Variants in SULT1E1 observed in about 807,000 individuals in gnomAD.
SULT1E1 encodes sulfotransferase 1E1.
Under a neutral mutation model 33.6 loss-of-function variants are expected in SULT1E1, and 36 were observed. The observed-to-expected ratio is 1.07, with a 90% CI of 0.82 to 1.41. The LOEUF is 1.41. Among genes scored for constraint, SULT1E1 ranks in the 40% most tolerant of loss-of-function variants. The pLI is 0.00. For synonymous variants in SULT1E1, 121 were observed against 111.7 expected, an observed-to-expected ratio of 1.08 and a Z score of -0.53; for missense variants, 371 against 345.7, an observed-to-expected ratio of 1.07 and a Z score of -0.58.
chr4:69,851,005 T>C (rs1292814076), intron 4 of SULT1E1, among the ~76,000 whole-genome samples: 1 of 152,110 alleles, frequency 6.6e-6, no homozygotes, highest in Non-Finnish European at 1.5e-5. Context: ...TTCCCAATGA[T>C]TCACTTGTGA....
At chr4:69,840,487 CAA>C (rs1578100315), downstream of SULT1E1, among the ~76,000 whole-genome samples, 1 of 152,154 alleles carries the variant, frequency 6.6e-6, no homozygotes, top group East Asian at 1.9e-4. Flanking sequence ...AAATAAAAAA[CAA>C]TAAAAAATTT....
chr4:69,826,910 A>AT, the SULT1E1 span, among the ~76,000 whole-genome samples: 1 of 152,056 alleles, frequency 6.6e-6, no homozygotes, highest in Non-Finnish European at 1.5e-5. Flanking sequence ...TAGCCTCCAT[A>AT]TAGCTCCCCT....
At chr4:69,848,811 G>C (rs1294553194) in intron 5 of SULT1E1, among the ~76,000 whole-genome samples, 2 of 151,706 alleles carry the variant, frequency 1.3e-5, no homozygotes, top group Non-Finnish European at 3.0e-5. Context: ...TAGAATACTA[G>C]ACTATCCTGC....
At position 69,847,400 on chromosome 4, in the gene SULT1E1, ATG is replaced by A. The variant is rs113502821; in HGVS notation, c.591+296_591+297del. Among the ~76,000 whole-genome samples the A allele has an allele frequency of 1.1e-3, 163 of 150,084 alleles. 1 individual carries two copies. The highest frequency in any genetic ancestry group is 3.5e-3 in the African/African-American group (144 of 41,158). On this transcript the variant is annotated intron_variant, in intron 6 of 7. Transcript: ENST00000226444. ...GCCCATGTTGATTCCTTGTGTGTGA[ATG>A]TGTGTGTGTGTGTGCCTATGTGTGT... is the stretch of plus-strand genomic sequence containing the variant.
At chr4:69,825,503 C>G in the SULT1E1 span, among the ~76,000 whole-genome samples, 10 of 152,248 alleles carry the variant, frequency 6.6e-5, no homozygotes, top group South Asian at 1.0e-3. Flanking sequence ...GGCTAAATAC[C>G]AGGCACCTGT....
In SULT1E1 at chr4:69,855,791, T is replaced by C. The variant is rs4149531; in HGVS notation, c.146-365A>G. Among the ~76,000 whole-genome samples, 910 of 152,320 alleles carry C rather than the reference T, an allele frequency of 6.0e-3. 21 individuals are homozygous for C. The East Asian group carries it at 0.064, about 11-fold the overall frequency. On this transcript the variant is annotated intron_variant, in intron 2 of 7. Coordinates refer to ENST00000226444, the MANE Select transcript of SULT1E1 (RefSeq NM_005420.3). ...CAAAAATTTTACTGATGGTATATTA[T>C]GTCTCATGTTGGGTCCTAGGTCAGA... is the stretch of plus-strand genomic sequence containing the variant.
intron 3 of SULT1E1, 149 bp downstream of exon 3, chr4:69,855,152 A>T: frequency 3.8e-6 from 3 of 793,110 alleles, no homozygotes; most frequent in Non-Finnish European, 5.6e-6. Flanking sequence ...GCCTGTCAAG[A>T]TTTAAATTTA....
chr4:69,838,447 C>T (rs191040608), downstream of SULT1E1: 1 of 152,252 alleles, frequency 6.6e-6, no homozygotes, highest in East Asian at 1.9e-4. Context: ...TCAGAAGTTA[C>T]CTGAGATGTG....
the SULT1E1 span, among the ~76,000 whole-genome samples, chr4:69,832,539 C>G: frequency 6.6e-6 from 1 of 152,192 alleles, no homozygotes; most frequent in Non-Finnish European, 1.5e-5. Flanking sequence ...AACAAATGTA[C>G]AGAAACAAGA....
At chr4:69,855,521 A>G in intron 2 of SULT1E1, 95 bp from the exon 3 acceptor site, 2 of 1,262,304 alleles carry the variant, frequency 1.6e-6, no homozygotes, top group Non-Finnish European at 1.1e-6. Context: ...GGAAGGTACC[A>G]ATGCAATACT....
At chr4:69,835,094 C>A in the SULT1E1 span, among the ~76,000 whole-genome samples, 1 of 152,158 alleles carries the variant, frequency 6.6e-6, no homozygotes, top group East Asian at 1.9e-4. Context: ...AATTATATTA[C>A]CCTAAACTCT....
chr4:69,842,490 A>G (rs989449310), intron 7 of SULT1E1, among the ~76,000 whole-genome samples: 2 of 152,222 alleles, frequency 1.3e-5, no homozygotes, highest in African/African-American at 2.4e-5. Context: ...AACTGCCTAC[A>G]TGATTTTGCC....
intron 4 of SULT1E1, among the ~76,000 whole-genome samples, chr4:69,850,166 A>G (rs1721072898): frequency 6.6e-6 from 1 of 151,974 alleles, no homozygotes; most frequent in African/African-American, 2.4e-5. Flanking sequence ...TTTTCAGAAA[A>G]CTGTGGTTTT....
At chr4:69,844,554 T>A (rs527535611) in intron 6 of SULT1E1, among the ~76,000 whole-genome samples, 4 of 152,240 alleles carry the variant, frequency 2.6e-5, no homozygotes, top group African/African-American at 9.6e-5. Context: ...TTAAGATTAT[T>A]CAAAAAACTA....
intron 7 of SULT1E1, among the ~76,000 whole-genome samples, chr4:69,842,865 C>T (rs375242837): frequency 2.0e-5 from 3 of 149,074 alleles, no homozygotes; most frequent in East Asian, 2.0e-4. Context: ...GAGACAGAGT[C>T]TCGCTCTGTC....
intron 7 of SULT1E1, among the ~76,000 whole-genome samples, chr4:69,843,693 A>G (rs1720923078): frequency 1.3e-5 from 2 of 152,206 alleles, no homozygotes; most frequent in Admixed American, 6.5e-5. Context: ...AAACAGAGCT[A>G]TATTTGAATT....
chr4:69,840,747 T>G (rs1379109952), downstream of SULT1E1, among the ~76,000 whole-genome samples: 1 of 152,106 alleles, frequency 6.6e-6, no homozygotes, highest in Non-Finnish European at 1.5e-5. Flanking sequence ...CTCATTTTGT[T>G]GAAAGTAAAA....
downstream of SULT1E1, among the ~76,000 whole-genome samples, chr4:69,837,337 C>T (rs190672841): frequency 6.6e-6 from 1 of 152,024 alleles, no homozygotes; most frequent in Admixed American, 6.5e-5. Flanking sequence ...ATCCCTGACA[C>T]ATAGCAATGA....
chr4:69,843,842 G>A (rs1270639261), intron 7 of SULT1E1, among the ~76,000 whole-genome samples: 1 of 152,188 alleles, frequency 6.6e-6, no homozygotes. Context: ...AGAACTTAAA[G>A]GAACTATATG....
Sources: gnomAD v4.1 joint callset for allele counts (sites outside exome capture counted in the v4.1 genomes callset) on GRCh38, gnomAD v4.1.1 for gene constraint, MANE v1.5 for transcripts, NCBI Gene and HGNC (gene_info 2026-07-23, HGNC 2026-07-21) for gene names.